ADGRL2: variants seen among roughly 807,000 people sequenced by gnomAD.
ADGRL2 encodes the protein adhesion G protein-coupled receptor L2, also known as calcium-independent alpha-latrotoxin receptor 2.
ADGRL2 carries 44 observed loss-of-function variants against 157.4 expected under a neutral mutation model. That is an observed-to-expected ratio of 0.28 (90% CI 0.22 to 0.36). The LOEUF is 0.36. ADGRL2 is among the 10% of genes least tolerant of loss of function. The pLI is 1.00. For synonymous variants in ADGRL2, 585 were observed against 624.7 expected (o/e 0.94, Z 0.95); for missense variants, 1,510 against 1,768.9 (o/e 0.85, Z 2.63).
intron 3 of ADGRL2, among the ~76,000 whole-genome samples, chr1:81,677,306 G>A (rs144147931): frequency 1.3e-5 from 2 of 152,172 alleles, no homozygotes; most frequent in East Asian, 3.9e-4. Flanking sequence ...ATTTTTAAAC[G>A]GAAGATTCAG....
intron 1 of ADGRL2, among the ~76,000 whole-genome samples, chr1:81,396,311 T>C (rs2076653944): frequency 1.3e-5 from 2 of 152,220 alleles, no homozygotes; most frequent in Non-Finnish European, 2.9e-5. Flanking sequence ...TCATTGTTGG[T>C]GTATACAAAT....
At chr1:81,618,553 C>G (rs2081715209) in intron 3 of ADGRL2, among the ~76,000 whole-genome samples, 1 of 152,134 alleles carries the variant, frequency 6.6e-6, no homozygotes, top group African/African-American at 2.4e-5. Flanking sequence ...CAAAATAGCT[C>G]TTTTTGTTCA....
rs200009196 is a variant in ADGRL2 at position 81,907,163 on chromosome 1, G to A, written c.220G>A (p.Ala74Thr). The stretch of plus-strand genomic sequence containing the variant: ...TCGGACGGATGACAAGATTTGTGAT[G>A]CTGACCCATTTCAGATGGAGAATAC... ...YGRTDDKICD[A>T]DPFQMENTDC... Residue 74 changes from alanine (A) to threonine (T), a missense_variant, in exon 3 of 24, where the codon GCT becomes ACT. Physicochemically the swap from Ala to Thr is moderately conservative, Grantham distance 58. Transcript: ENST00000686636. The A allele has an allele frequency of 1.9e-6, 3 of 1,614,098 alleles. No individual in the cohort carries two copies. The highest frequency in any genetic ancestry group is 2.7e-5 in the African/African-American group (2 of 75,014).
chr1:81,988,041 T>C (rs1314792709), intron 23 of ADGRL2, among the ~76,000 whole-genome samples, 155 bp downstream of exon 23: 2 of 152,152 alleles, frequency 1.3e-5, no homozygotes, highest in Non-Finnish European at 2.9e-5. Context: ...ATTCAAACAG[T>C]ACATCCATCT....
intron 17 of ADGRL2, among the ~76,000 whole-genome samples, chr1:81,974,220 T>G (rs1472634474): frequency 6.6e-6 from 1 of 152,200 alleles, no homozygotes; most frequent in Non-Finnish European, 1.5e-5. Flanking sequence ...ACTTCTGCAT[T>G]TCTATAGGAT....
At chr1:81,921,762 A>G (rs926132394) in intron 3 of ADGRL2, among the ~76,000 whole-genome samples, 1 of 152,186 alleles carries the variant, frequency 6.6e-6, no homozygotes, top group Non-Finnish European at 1.5e-5. Flanking sequence ...CTGCTTGTGT[A>G]AACTATAAAT....
intron 2 of ADGRL2, among the ~76,000 whole-genome samples, chr1:81,850,504 G>A (rs1175463244): frequency 6.6e-6 from 1 of 151,806 alleles, no homozygotes; most frequent in African/African-American, 2.4e-5. Context: ...TCACCTTTTT[G>A]ACTTCAAAGT....
chr1:81,615,580 TAACA>T (rs2081627826), intron 3 of ADGRL2, among the ~76,000 whole-genome samples: 1 of 152,316 alleles, frequency 6.6e-6, no homozygotes, highest in South Asian at 2.1e-4. Flanking sequence ...TTAAGAACTG[TAACA>T]CTCACCGCGA....
chr1:81,600,104 T>C (rs575614172), intron 3 of ADGRL2, among the ~76,000 whole-genome samples: 1 of 152,324 alleles, frequency 6.6e-6, no homozygotes, highest in East Asian at 1.9e-4. Context: ...GACAGTAATA[T>C]GTGATGCTAT....
intron 2 of ADGRL2, chr1:81,503,273 T>C (rs989110503): frequency 6.2e-7 from 1 of 1,614,092 alleles, no homozygotes; most frequent in African/African-American, 1.3e-5. Context: ...AGCGTTAACA[T>C]GTCTGTGGAC....
At chr1:81,869,942 T>G (rs1237646671) in intron 2 of ADGRL2, among the ~76,000 whole-genome samples, 2 of 152,100 alleles carry the variant, frequency 1.3e-5, no homozygotes, top group Non-Finnish European at 1.5e-5. Context: ...GTTTAATGGC[T>G]GTGCATCTTA....
At chr1:81,520,365 G>A (rs749612038) in intron 2 of ADGRL2, among the ~76,000 whole-genome samples, 11 of 151,712 alleles carry the variant, frequency 7.3e-5, no homozygotes, top group Admixed American at 7.2e-4. Flanking sequence ...CACCATCCCC[G>A]CCCCTCTGCC....
intron 2 of ADGRL2, among the ~76,000 whole-genome samples, chr1:81,485,214 G>T (rs971190121): frequency 2.0e-5 from 3 of 151,466 alleles, no homozygotes; most frequent in African/African-American, 7.3e-5. Flanking sequence ...TGAGTGGTGT[G>T]TAGTAATCAG....
intron 2 of ADGRL2, among the ~76,000 whole-genome samples, chr1:81,903,948 A>T (rs903662896): frequency 6.6e-6 from 1 of 151,638 alleles, no homozygotes; most frequent in African/African-American, 2.4e-5. Flanking sequence ...TAATAAATTG[A>T]CAATTTAAAT....
At chr1:81,472,398 C>A (rs184198735) in intron 2 of ADGRL2, among the ~76,000 whole-genome samples, 41 of 152,280 alleles carry the variant, frequency 2.7e-4, no homozygotes, top group Admixed American at 7.9e-4. Flanking sequence ...GGCCGAGGGC[C>A]GAGGCAGGCG....
intron 3 of ADGRL2, among the ~76,000 whole-genome samples, chr1:81,683,849 C>G (rs2083172337): frequency 6.6e-6 from 1 of 151,862 alleles, no homozygotes. Context: ...TGGAGTCTCG[C>G]TCTGTCACCC....
intron 3 of ADGRL2, among the ~76,000 whole-genome samples, chr1:81,618,986 A>G (rs1394249042): frequency 6.6e-6 from 1 of 152,078 alleles, no homozygotes; most frequent in Non-Finnish European, 1.5e-5. Context: ...CTTTTCTGTT[A>G]ACTCTAAAAT....
intron 3 of ADGRL2, among the ~76,000 whole-genome samples, chr1:81,616,707 C>T (rs1391358248): frequency 3.6e-5 from 4 of 110,536 alleles, no homozygotes; most frequent in East Asian, 5.0e-4. Context: ...GACAGGGTCT[C>T]GCTCTGTTGC....
At chr1:81,565,760 T>G (rs1462132954) in intron 2 of ADGRL2, among the ~76,000 whole-genome samples, 1 of 152,154 alleles carries the variant, frequency 6.6e-6, no homozygotes, top group African/African-American at 2.4e-5. Context: ...TAGCCTTTCT[T>G]CTTTAGTGGC....
Sources: allele counts gnomAD v4.1 joint callset (sites outside exome capture counted in the v4.1 genomes callset), GRCh38; gene constraint gnomAD v4.1.1; transcripts MANE v1.5; gene names NCBI Gene and HGNC (gene_info 2026-07-23, HGNC 2026-07-21).